Variants in ST6GAL1 observed in about 807,000 individuals in gnomAD.
The protein encoded by ST6GAL1 is beta-galactoside alpha-2,6-sialyltransferase 1.
ST6GAL1 carries 20 observed loss-of-function variants against 38.0 expected under a neutral mutation model. The ratio of observed to expected loss-of-function variants is 0.53; its 90% CI spans 0.37 to 0.77. The LOEUF (loss-of-function observed/expected upper bound fraction) is 0.77. ST6GAL1 is among the 30% of genes least tolerant of loss of function. The probability of loss-of-function intolerance (pLI) is 0.00; values close to 1 mark genes in which losing one functional copy is unlikely to be tolerated. For synonymous variants in ST6GAL1, 196 were observed against 188.2 expected, an observed-to-expected ratio of 1.04 and a Z score of -0.34; for missense variants, 432 against 496.4, an observed-to-expected ratio of 0.87 and a Z score of 1.23.
At chr3:186,964,721 T>C (rs561007763) in intron 2 of ST6GAL1, among the ~76,000 whole-genome samples, 1 of 152,310 alleles carries the variant, frequency 6.6e-6, no homozygotes, top group Non-Finnish European at 1.5e-5. Context: ...CTGACCACGA[T>C]GGGGAAACTT....
At chr3:187,061,538 T>C (rs1718914767) in intron 5 of ST6GAL1, among the ~76,000 whole-genome samples, 1 of 152,154 alleles carries the variant, frequency 6.6e-6, no homozygotes, top group Non-Finnish European at 1.5e-5. Flanking sequence ...ACCATTGGAA[T>C]AGAATAAAAG....
chr3:186,982,218 T>A (rs1715718274), intron 2 of ST6GAL1, among the ~76,000 whole-genome samples: 1 of 152,180 alleles, frequency 6.6e-6, no homozygotes, highest in Non-Finnish European at 1.5e-5. Context: ...AATTTAGAGA[T>A]TGGTTACCCT....
In ST6GAL1 at chr3:187,042,621, A is replaced by G. The variant is rs1257659376; in HGVS notation, c.-50-33A>G. On this transcript the variant is annotated intron_variant, in intron 3 of 7. Coordinates refer to ENST00000169298, the MANE Select transcript of ST6GAL1 (RefSeq NM_173216.2). The stretch of plus-strand genomic sequence containing the variant: ...CATGCCACATTGGGTTTTTCTTTAC[A>G]TCATTTGTTTTTCCTTGTCTCACTT... 6 of 1,522,070 alleles carry G rather than the reference A, an allele frequency of 3.9e-6. No individual in the cohort carries two copies. In the South Asian group the frequency reaches 5.4e-5, roughly 14 times the overall value. 94.3% of individuals were successfully genotyped at this position (1,522,070 alleles called of 1,614,324 possible).
At chr3:187,037,761 A>G (rs1486251004) in intron 2 of ST6GAL1, among the ~76,000 whole-genome samples, 2 of 152,088 alleles carry the variant, frequency 1.3e-5, no homozygotes, top group Non-Finnish European at 2.9e-5. Flanking sequence ...TTAAAATTAC[A>G]TTTTTATACT....
chr3:187,065,819 A>G (rs995179265), intron 5 of ST6GAL1, among the ~76,000 whole-genome samples: 2 of 152,346 alleles, frequency 1.3e-5, no homozygotes, highest in African/African-American at 2.4e-5. Context: ...TATTATATAT[A>G]CCATCTAAGG....
At chr3:186,995,521 AT>A (rs1226210316) in intron 2 of ST6GAL1, among the ~76,000 whole-genome samples, 1,173 of 65,686 alleles carry the variant, frequency 0.018, 75 homozygotes, top group African/African-American at 0.042. Context: ...AAAAATAATA[AT>A]AAAATAAAAA....
chr3:187,017,674 G>A (rs948394873), intron 2 of ST6GAL1, among the ~76,000 whole-genome samples: 1 of 152,182 alleles, frequency 6.6e-6, no homozygotes, highest in Non-Finnish European at 1.5e-5. Context: ...TGACTTTAAG[G>A]AGAGGTAGTT....
intron 1 of ST6GAL1, among the ~76,000 whole-genome samples, chr3:186,946,725 T>C (rs1714383245): frequency 6.6e-6 from 1 of 152,208 alleles, no homozygotes; most frequent in Non-Finnish European, 1.5e-5. Flanking sequence ...GCATATTGAT[T>C]GACATTTTAT....
At chr3:187,062,183 A>T (rs891759897) in intron 5 of ST6GAL1, among the ~76,000 whole-genome samples, 1 of 146,382 alleles carries the variant, frequency 6.8e-6, no homozygotes, top group Admixed American at 6.6e-5. Context: ...CCTCACCCCC[A>T]TTAGGGTGGC....
At chr3:187,011,733 T>A (rs1428186999) in intron 2 of ST6GAL1, among the ~76,000 whole-genome samples, 1 of 152,242 alleles carries the variant, frequency 6.6e-6, no homozygotes, top group African/African-American at 2.4e-5. Context: ...CTTTTTTACC[T>A]ATTTTATTTC....
chr3:186,936,710 G>A (rs1713964774), intron 1 of ST6GAL1, among the ~76,000 whole-genome samples: 1 of 152,134 alleles, frequency 6.6e-6, no homozygotes, highest in Non-Finnish European at 1.5e-5. Flanking sequence ...GGAGGCTGAA[G>A]CAGCTGGATC....
intron 1 of ST6GAL1, among the ~76,000 whole-genome samples, chr3:186,940,413 T>G (rs760796222): frequency 2.0e-5 from 3 of 152,224 alleles, no homozygotes; most frequent in Non-Finnish European, 2.9e-5. Flanking sequence ...TTCTAACCCC[T>G]TTGTACACAT....
chr3:187,027,123 C>G lies in ST6GAL1; in HGVS notation c.-182-11619C>G, dbSNP rs564712454. ...AATAAAAAAGCATGGATTCCAGAAT[C>G]ATGAAATGAGAAAAAGGACATTTGA... On this transcript the variant is annotated intron_variant, in intron 2 of 7. Coordinates refer to ENST00000169298, the MANE Select transcript of ST6GAL1 (RefSeq NM_173216.2). Among the ~76,000 whole-genome samples, 6 of 151,906 alleles carry G rather than the reference C, an allele frequency of 3.9e-5. No homozygotes were observed. In the South Asian group the frequency reaches 1.3e-3, roughly 32 times the overall value.
chr3:187,028,036 C>G (rs777259017), intron 2 of ST6GAL1, among the ~76,000 whole-genome samples: 17 of 152,142 alleles, frequency 1.1e-4, no homozygotes, highest in Admixed American at 1.3e-4. Context: ...GTCCTTGTGA[C>G]TCTGACAAGA....
At chr3:186,991,629 C>T (rs557509466) in intron 2 of ST6GAL1, among the ~76,000 whole-genome samples, 1 of 152,308 alleles carries the variant, frequency 6.6e-6, no homozygotes, top group South Asian at 2.1e-4. Context: ...TCTGGCCTCT[C>T]CGAGTCTCAC....
intron 2 of ST6GAL1, among the ~76,000 whole-genome samples, chr3:187,018,294 C>G (rs532665746): frequency 1.1e-3 from 166 of 152,078 alleles, no homozygotes; most frequent in Middle Eastern, 6.8e-3. Flanking sequence ...TTCTAAGCAC[C>G]CTTCTGTGTC....
At chr3:187,062,606 A>ACACACACAC (rs1553835854) in intron 5 of ST6GAL1, among the ~76,000 whole-genome samples, 7 of 150,762 alleles carry the variant, frequency 4.6e-5, no homozygotes, top group South Asian at 2.1e-4. Context: ...ACACACACAC[A>ACACACACAC]AAATACTATA....
In ST6GAL1 at chr3:187,032,020, C is replaced by G. The variant is rs76558117; in HGVS notation, c.-182-6722C>G. On this transcript the variant is annotated intron_variant, in intron 2 of 7. Coordinates refer to ENST00000169298, the MANE Select transcript of ST6GAL1 (RefSeq NM_173216.2). ...GCCAGGATTGCTAAAGTTTCTCACC[C>G]AGAGAGTTGAGGGTTCTGTTATCAC... Among the ~76,000 whole-genome samples, 1,378 of 152,264 alleles carry G rather than the reference C, an allele frequency of 9.1e-3. 15 individuals carry two copies. Among genetic ancestry groups the G allele is most frequent in the African/African-American group, 0.032 (1,325 of 41,538 alleles).
At chr3:187,006,943 G>C (rs1716803191) in intron 2 of ST6GAL1, among the ~76,000 whole-genome samples, 1 of 152,234 alleles carries the variant, frequency 6.6e-6, no homozygotes, top group South Asian at 2.1e-4. Flanking sequence ...TGGTATTTTA[G>C]TGGAGTTTTG....
Sources: gnomAD v4.1 joint callset for allele counts (sites outside exome capture counted in the v4.1 genomes callset) on GRCh38, gnomAD v4.1.1 for gene constraint, MANE v1.5 for transcripts, NCBI Gene and HGNC (gene_info 2026-07-23, HGNC 2026-07-21) for gene names.